The following UMAD1 variants were observed in gnomAD, a reference collection of about 807,000 sequenced individuals.
UMAD1 encodes the protein UBAP1-MVB12-associated (UMA)-domain containing protein 1.
In UMAD1, 8 loss-of-function variants were observed where a neutral mutation model predicts 6.1. That is an observed-to-expected ratio of 1.30 (90% CI 0.76 to 2.35). The LOEUF is 2.35. Among genes scored for constraint, UMAD1 ranks in the 30% most tolerant of loss-of-function variants. The probability of loss-of-function intolerance (pLI) is 0.00; values close to 1 mark genes in which losing one functional copy is unlikely to be tolerated. For synonymous variants in UMAD1, 56 were observed against 31.4 expected, an observed-to-expected ratio of 1.78 and a Z score of -2.61; for missense variants, 130 against 78.4, an observed-to-expected ratio of 1.66 and a Z score of -2.49.
At chr7:7,663,334 G>A (rs1048821479) in intron 1 of UMAD1, among the ~76,000 whole-genome samples, 21 of 137,896 alleles carry the variant, frequency 1.5e-4, no homozygotes, top group Admixed American at 1.1e-3. Context: ...AAATAAGAGA[G>A]GTGGAAGTAA....
At chr7:7,651,927 C>T (rs1421261168) in intron 1 of UMAD1, among the ~76,000 whole-genome samples, 1 of 152,142 alleles carries the variant, frequency 6.6e-6, no homozygotes, top group Non-Finnish European at 1.5e-5. Context: ...TGGGCAGTTA[C>T]ACACCATTCA....
chr7:7,841,875 A>G (rs965089332), intron 3 of UMAD1, among the ~76,000 whole-genome samples: 1 of 152,212 alleles, frequency 6.6e-6, no homozygotes, highest in Non-Finnish European at 1.5e-5. Flanking sequence ...TTTGCACTCC[A>G]TAATAATTCA....
At chr7:7,760,864 C>G (rs943700965) in intron 2 of UMAD1, among the ~76,000 whole-genome samples, 1 of 152,070 alleles carries the variant, frequency 6.6e-6, no homozygotes, top group African/African-American at 2.4e-5. Context: ...GTTTTACTAG[C>G]AAAACAGCAC....
intron 2 of UMAD1, among the ~76,000 whole-genome samples, chr7:7,692,962 TTA>T: frequency 6.6e-6 from 1 of 152,190 alleles, no homozygotes. Context: ...TATGTATATT[TTA>T]TGTGTCTAAA....
At chr7:7,861,006 T>C (rs1784106724) in intron 3 of UMAD1, among the ~76,000 whole-genome samples, 1 of 152,180 alleles carries the variant, frequency 6.6e-6, no homozygotes, top group Non-Finnish European at 1.5e-5. Flanking sequence ...CACAAAAGGA[T>C]ATACATTGTA....
At chr7:7,709,863 A>G (rs942156252) in intron 2 of UMAD1, among the ~76,000 whole-genome samples, 2 of 152,166 alleles carry the variant, frequency 1.3e-5, no homozygotes, top group African/African-American at 2.4e-5. Context: ...TTTAAGAAAT[A>G]TAATTTCTTG....
intron 2 of UMAD1, chr7:7,742,553 TC>T (rs1781493078): frequency 1.9e-6 from 1 of 520,362 alleles, no homozygotes; most frequent in African/African-American, 2.0e-5. Flanking sequence ...TTCTTCGCTT[TC>T]GGCGCCATCT....
chr7:7,728,508 G>A (rs535781081), intron 2 of UMAD1, among the ~76,000 whole-genome samples: 1 of 152,222 alleles, frequency 6.6e-6, no homozygotes, highest in East Asian at 1.9e-4. Context: ...GCCAGGCGTG[G>A]TGGCGTGCAC....
At chr7:7,804,148 C>T (rs1190510444) in intron 3 of UMAD1, among the ~76,000 whole-genome samples, 1 of 152,078 alleles carries the variant, frequency 6.6e-6, no homozygotes, top group Non-Finnish European at 1.5e-5. Flanking sequence ...TATGCAAGTA[C>T]CGGCTGGGCA....
chr7:7,654,952 A>AT (rs369021323), intron 1 of UMAD1, among the ~76,000 whole-genome samples: 81 of 150,558 alleles, frequency 5.4e-4, no homozygotes, highest in African/African-American at 1.9e-3. Flanking sequence ...ACTGTTTTTT[A>AT]TTTTTTTGAC....
intron 2 of UMAD1, among the ~76,000 whole-genome samples, chr7:7,699,941 T>C (rs1268117024): frequency 6.6e-6 from 1 of 152,216 alleles, no homozygotes; most frequent in East Asian, 1.9e-4. Flanking sequence ...CACTTAAAAA[T>C]AAATTCCTGA....
intron 3 of UMAD1, among the ~76,000 whole-genome samples, chr7:7,856,572 G>A (rs543953778): frequency 4.6e-5 from 7 of 152,304 alleles, no homozygotes; most frequent in African/African-American, 9.6e-5. Context: ...TGGCGACACC[G>A]CCAAACCGTA....
At chr7:7,721,402 A>C (rs1781046117) in intron 2 of UMAD1, among the ~76,000 whole-genome samples, 1 of 152,166 alleles carries the variant, frequency 6.6e-6, no homozygotes. Flanking sequence ...ATTCTACTTT[A>C]AATGTTAAGG....
chr7:7,835,017 A>G (rs1301850630), intron 3 of UMAD1, among the ~76,000 whole-genome samples: 1 of 152,206 alleles, frequency 6.6e-6, no homozygotes, highest in African/African-American at 2.4e-5. Context: ...TCACAAGAAC[A>G]GCATGGGGGA....
At chr7:7,784,580 C>T (rs955331155) in intron 2 of UMAD1, among the ~76,000 whole-genome samples, 1 of 151,432 alleles carries the variant, frequency 6.6e-6, no homozygotes, top group African/African-American at 2.4e-5. Context: ...CTTCTGACCT[C>T]GTGATCCGCC....
intron 2 of UMAD1, among the ~76,000 whole-genome samples, chr7:7,683,340 C>T (rs899016180): frequency 2.0e-5 from 3 of 152,030 alleles, no homozygotes; most frequent in African/African-American, 7.3e-5. Context: ...TGATTTTTTC[C>T]CCCCAGAGTT....
At chr7:7,828,992 A>T (rs1175381549) in intron 3 of UMAD1, among the ~76,000 whole-genome samples, 1 of 152,200 alleles carries the variant, frequency 6.6e-6, no homozygotes, top group African/African-American at 2.4e-5. Context: ...AACATGGAAC[A>T]CTATTATAAG....
intron 2 of UMAD1, among the ~76,000 whole-genome samples, chr7:7,792,778 G>A (rs1226287074): frequency 6.6e-6 from 1 of 152,178 alleles, no homozygotes; most frequent in East Asian, 1.9e-4. Context: ...CGCAGTTCTG[G>A]AAGTTGAGAA....
At chr7:7,672,286 T>A (rs535031590) in intron 1 of UMAD1, among the ~76,000 whole-genome samples, 89 of 152,320 alleles carry the variant, frequency 5.8e-4, no homozygotes, top group African/African-American at 2.0e-3. Flanking sequence ...TCCCCAGTTG[T>A]TTTCTAGAAA....
Sources: allele counts gnomAD v4.1 joint callset (sites outside exome capture counted in the v4.1 genomes callset), GRCh38; gene constraint gnomAD v4.1.1; transcripts MANE v1.5; gene names NCBI Gene and HGNC (gene_info 2026-07-23, HGNC 2026-07-21).